The following ADK variants were observed in gnomAD, a reference collection of about 807,000 sequenced individuals.
The protein encoded by ADK is adenosine kinase.
ADK carries 24 observed loss-of-function variants against 44.7 expected under a neutral mutation model. The observed-to-expected ratio is 0.54, with a 90% CI of 0.39 to 0.76. The LOEUF (loss-of-function observed/expected upper bound fraction) is 0.76, where lower values mean the gene tolerates loss of function less well. Among genes scored for constraint, ADK ranks in the 30% least tolerant of loss-of-function variants. ADK has a pLI of 0.00. For synonymous variants in ADK, 128 were observed against 142.6 expected, an observed-to-expected ratio of 0.90 and a Z score of 0.73; for missense variants, 321 against 425.1, an observed-to-expected ratio of 0.76 and a Z score of 2.15.
rs147492722 is a variant in ADK, at chr10:74,242,962, C to T, written c.194+18371C>T. On this transcript the variant is annotated intron_variant, in intron 3 of 10. Coordinates refer to ENST00000539909, the MANE Select transcript of ADK (RefSeq NM_006721.4). ...GCTCAGTAAAATTCTCCACCTTCAC[C>T]ATCCTTCAAGTGTCTGCATCACTTC... Among the ~76,000 whole-genome samples, 144 of 152,306 alleles carry T rather than the reference C, an allele frequency of 9.5e-4. 1 individual carries two copies. The highest frequency in any genetic ancestry group is 1.6e-3 in the Non-Finnish European group (109 of 68,016).
rs1022180786 is a variant in ADK, at chr10:74,371,406, A to G, written c.274-22735A>G. 31 of 595,736 alleles carry G rather than the reference A, an allele frequency of 5.2e-5. No individual in the cohort carries two copies. The African/African-American group carries it at 5.6e-4, about 11-fold the overall frequency. 36.9% of individuals were successfully genotyped at this position (595,736 alleles called of 1,614,324 possible). ...GTAGATAACATGATCTTATATACCA[A>G]ACAAAAATCTTAAGCAGTCCCCTAC... On this transcript the variant is annotated intron_variant, in intron 4 of 10. Transcript: ENST00000539909.
intron 7 of ADK, among the ~76,000 whole-genome samples, chr10:74,587,120 G>A (rs1474963338): frequency 6.6e-6 from 1 of 152,018 alleles, no homozygotes; most frequent in East Asian, 1.9e-4. Flanking sequence ...TAAATAAGTG[G>A]TTCTAGTATA....
rs990421211 is a variant in ADK, at chr10:74,574,096, C to T, written c.727-15186C>T. On this transcript the variant is annotated intron_variant, in intron 7 of 10. Transcript: ENST00000539909. ...AAATGCAGAAATCACACGTTTTCTG[C>T]GTCGCTCACACTGGGAGCTGTAGAC... is the stretch of plus-strand genomic sequence containing the variant. 3.4e-4 allele frequency among the ~76,000 whole-genome samples: 51 copies of T among 152,036 alleles called. 1 individual carries two copies. The highest frequency in any genetic ancestry group is 9.2e-4 in the Admixed American group (14 of 15,270).
intron 1 of ADK, among the ~76,000 whole-genome samples, chr10:74,177,179 T>G (rs1842373529): frequency 6.6e-6 from 1 of 151,748 alleles, no homozygotes; most frequent in Non-Finnish European, 1.5e-5. Flanking sequence ...CCATGAAAAA[T>G]GTGCCCCACC....
intron 4 of ADK, among the ~76,000 whole-genome samples, chr10:74,393,042 A>G (rs1843391301): frequency 6.6e-6 from 1 of 152,038 alleles, no homozygotes; most frequent in Admixed American, 6.6e-5. Context: ...GTTGTTTTAT[A>G]TTGTGGATGA....
At chr10:74,158,929 T>C (rs192161966) in intron 1 of ADK, among the ~76,000 whole-genome samples, 152 of 152,356 alleles carry the variant, frequency 1.0e-3, no homozygotes, top group African/African-American at 3.6e-3. Flanking sequence ...AAAGACAGAC[T>C]TCTCTTCAAC....
chr10:74,670,395 G>T, intron 10 of ADK, 126 bp downstream of exon 10: 1 of 746,102 alleles, frequency 1.3e-6, no homozygotes, highest in Non-Finnish European at 2.3e-6. Context: ...AACTTCTGAA[G>T]TTCTTTCCAT....
rs551761377 is a variant in ADK at position 74,154,293 on chromosome 10, G to A, written c.65+2950G>A. Among the ~76,000 whole-genome samples the A allele has an allele frequency of 5.9e-5, 9 of 152,088 alleles. No individual in the cohort carries two copies. In the South Asian group the frequency reaches 1.9e-3, roughly 32 times the overall value. ...TAATTTTGTATATATTTTTGAGTTGGAGTCTCACTCTGGCGCACAGGTTGG... is the reference window on the plus strand; with the variant it reads ...TAATTTTGTATATATTTTTGAGTTGAAGTCTCACTCTGGCGCACAGGTTGG... On this transcript the variant is annotated intron_variant, in intron 1 of 10. Transcript: ENST00000539909.
intron 9 of ADK, among the ~76,000 whole-genome samples, chr10:74,619,012 T>TGTGTGTG (rs1852879482): frequency 2.2e-5 from 3 of 139,382 alleles, no homozygotes; most frequent in African/African-American, 8.1e-5. Context: ...TTTATGCTCT[T>TGTGTGTG]TGTGTGTGTG....
intron 6 of ADK, among the ~76,000 whole-genome samples, chr10:74,460,350 C>T (rs1846126795): frequency 6.6e-6 from 1 of 152,068 alleles, no homozygotes; most frequent in African/African-American, 2.4e-5. Flanking sequence ...AGTTGGGGGT[C>T]ATTTCTTGTG....
chr10:74,435,418 C>T (rs960582739), intron 6 of ADK, among the ~76,000 whole-genome samples: 1 of 152,068 alleles, frequency 6.6e-6, no homozygotes, highest in Non-Finnish European at 1.5e-5. Context: ...GTGTGTTATC[C>T]ACAGTCATGT....
chr10:74,475,559 T>C (rs1220370004), intron 6 of ADK, among the ~76,000 whole-genome samples: 1 of 151,428 alleles, frequency 6.6e-6, no homozygotes, highest in Non-Finnish European at 1.5e-5. Flanking sequence ...AAAAAAAAAA[T>C]TAGCCAGGCA....
intron 7 of ADK, among the ~76,000 whole-genome samples, chr10:74,569,635 G>A (rs1239174518): frequency 3.3e-5 from 5 of 152,056 alleles, no homozygotes; most frequent in African/African-American, 9.7e-5. Context: ...TTTTTTTCTT[G>A]TGAATTTGTT....
chr10:74,371,913 C>A, intron 4 of ADK: 2 of 1,454,652 alleles, frequency 1.4e-6, no homozygotes, highest in Non-Finnish European at 1.9e-6. Context: ...GGTTACTGAC[C>A]CCAGGGCTGA....
At chr10:74,527,989 G>A (rs1849123745) in intron 7 of ADK, 1 of 795,590 alleles carries the variant, frequency 1.3e-6, no homozygotes, top group Non-Finnish European at 2.2e-6. Context: ...ATGGAAAAAG[G>A]CACCTGCAAG....
At chr10:74,478,465 C>T (rs1216798405) in intron 6 of ADK, among the ~76,000 whole-genome samples, 1 of 152,206 alleles carries the variant, frequency 6.6e-6, no homozygotes, top group Non-Finnish European at 1.5e-5. Context: ...CCAAGCAGTC[C>T]TCCCACCTTG....
At chr10:74,297,139 AC>A (rs1185242784) in intron 3 of ADK, among the ~76,000 whole-genome samples, 2 of 152,172 alleles carry the variant, frequency 1.3e-5, no homozygotes, top group Non-Finnish European at 2.9e-5. Flanking sequence ...ATTTTATTAA[AC>A]GAGTTTGTGG....
chr10:74,280,258 A>G (rs1360083531), intron 3 of ADK, among the ~76,000 whole-genome samples: 2 of 151,978 alleles, frequency 1.3e-5, no homozygotes, highest in Non-Finnish European at 2.9e-5. Flanking sequence ...ATGTGCCACC[A>G]TGCCCGGCTA....
chr10:74,329,127 A>G (rs867450150), intron 4 of ADK, among the ~76,000 whole-genome samples: 33 of 110,976 alleles, frequency 3.0e-4, no homozygotes, highest in Admixed American at 9.0e-4. Context: ...AAAAAAAAAA[A>G]AAAGAAATTC....
Sources: gnomAD v4.1 joint callset for allele counts (sites outside exome capture counted in the v4.1 genomes callset) on GRCh38, gnomAD v4.1.1 for gene constraint, MANE v1.5 for transcripts, NCBI Gene and HGNC (gene_info 2026-07-23, HGNC 2026-07-21) for gene names.